EMP2: variants seen among roughly 807,000 people sequenced by gnomAD.
EMP2 encodes the protein epithelial membrane protein 2.
A neutral mutation model predicts 13.7 loss-of-function variants in EMP2; 19 were observed. That is an observed-to-expected ratio of 1.38 (90% CI 0.97 to 2.03). EMP2 has a LOEUF of 2.03. EMP2 is among the 30% of genes most tolerant of loss of function. EMP2 has a pLI of 0.00. For missense variants in EMP2, 253 were observed against 220.7 expected (o/e 1.15, Z -0.93); for synonymous variants, 97 against 84.7 (o/e 1.15, Z -0.80).
chr16:10,558,650 G>A (rs1225929001), intron 1 of EMP2, among the ~76,000 whole-genome samples: 8 of 152,070 alleles, frequency 5.3e-5, no homozygotes, highest in Admixed American at 5.2e-4. Context: ...AAGTCTGTGG[G>A]ATCTGCCCAC....
In EMP2 at chr16:10,537,948, G is replaced by A. The variant is rs764490312; in HGVS notation, c.296C>T (p.Ser99Phe). The A allele has an allele frequency of 2.5e-6, 4 of 1,614,020 alleles. No homozygotes were observed. Among genetic ancestry groups the A allele is most frequent in the Non-Finnish European group, 2.5e-6 (3 of 1,180,034 alleles). ...CTTACATGACATTAGCTGGATGATG[G>A]AGGTTAGGACAAACCTCTCTCCCTG... ...LKQGERFVLT[S>F]IIQLMSCLCV... Residue 99 changes from serine to phenylalanine, a missense_variant, in exon 4 of 5, where the codon TCC (serine) becomes TTC (phenylalanine). Ser to Phe is a radical substitution (Grantham distance 155). Transcript: ENST00000359543.
chr16:10,548,887 T>A (rs1332230342), intron 1 of EMP2, among the ~76,000 whole-genome samples: 1 of 152,146 alleles, frequency 6.6e-6, no homozygotes, highest in Non-Finnish European at 1.5e-5. Flanking sequence ...CCCTTGCAGC[T>A]AGATGGGGAA....
intron 1 of EMP2, among the ~76,000 whole-genome samples, chr16:10,575,736 C>T (rs1014179630): frequency 2.0e-5 from 3 of 152,134 alleles, no homozygotes; most frequent in Non-Finnish European, 4.4e-5. Context: ...ACAAACAAAT[C>T]AAGCCACTTC....
At position 10,532,785 on chromosome 16, in the gene EMP2, T is replaced by TTTTTTC. The variant is rs2050616918; in HGVS notation, c.*119_*120insGAAAAA. 1 of 376,770 alleles carries TTTTTTC rather than the reference T, an allele frequency of 2.7e-6. No homozygotes were observed. The highest frequency in any genetic ancestry group is 4.0e-6 in the Non-Finnish European group (1 of 250,140). 23.3% of individuals were successfully genotyped at this position (376,770 alleles called of 1,614,324 possible). On this transcript the variant is annotated 3_prime_UTR_variant, in exon 5 of 5. Coordinates refer to ENST00000359543, the MANE Select transcript of EMP2 (RefSeq NM_001424.6). ...TTTTTTTTTTTTTTTTTTTTTTTTTTTGGCTTTTAAAGGAAACAATACGTT... is the reference window on the plus strand; with the variant it reads ...TTTTTTTTTTTTTTTTTTTTTTTTTTTTTTTCTGGCTTTTAAAGGAAACAATACGTT...
rs150309316 is a variant in EMP2 at position 10,543,601 on chromosome 16, C to T, written c.138G>A (p.Thr46=). ...ADVWRICTNN[T]NCTVINDSFQ... The stretch of plus-strand genomic sequence containing the variant: ...AGCTGTCATTGATGACTGTGCAATT[C>T]GTGTTGTTGGTACATATTCTCCAGA... The change falls in exon 3 of 5, where the codon ACG becomes ACA. Residue 46 remains threonine (T), a synonymous_variant. Coordinates refer to ENST00000359543, the MANE Select transcript of EMP2 (RefSeq NM_001424.6). The T allele has an allele frequency of 7.3e-5, 118 of 1,614,214 alleles. No individual in the cohort carries two copies. In the African/African-American group the frequency reaches 8.7e-4, roughly 12 times the overall value.
In EMP2 at chr16:10,541,613, G is replaced by A. The variant is rs532159072; in HGVS notation, c.169+1957C>T. 5.9e-5 allele frequency among the ~76,000 whole-genome samples: 9 copies of A among 152,290 alleles called. 1 individual carries two copies. The highest frequency in any genetic ancestry group is 3.4e-3 in the Middle Eastern group (1 of 294). The stretch of plus-strand genomic sequence containing the variant: ...CTCCCAGCTGGCCTTGCACACTGGC[G>A]ACAGCTGGGGCTTGCAGAGCTCAGG... On this transcript the variant is annotated intron_variant, in intron 3 of 4. Coordinates refer to ENST00000359543, the MANE Select transcript of EMP2 (RefSeq NM_001424.6).
intron 1 of EMP2, among the ~76,000 whole-genome samples, chr16:10,552,183 G>A (rs2050793608): frequency 1.3e-5 from 2 of 148,772 alleles, no homozygotes; most frequent in African/African-American, 2.5e-5. Flanking sequence ...CATGTACCAC[G>A]CTGAATGCCC....
intron 1 of EMP2, among the ~76,000 whole-genome samples, chr16:10,562,555 A>T (rs1032659605): frequency 2.6e-5 from 4 of 152,134 alleles, no homozygotes; most frequent in Admixed American, 2.6e-4. Context: ...AGACACATGA[A>T]TGAGCCCAGC....
intron 1 of EMP2, among the ~76,000 whole-genome samples, chr16:10,562,957 C>T (rs929085303): frequency 7.9e-5 from 12 of 152,076 alleles, no homozygotes; most frequent in African/African-American, 2.9e-4. Flanking sequence ...ACACTGCAGC[C>T]CAGAGAGGGT....
intron 3 of EMP2, among the ~76,000 whole-genome samples, chr16:10,542,087 G>A (rs1317899033): frequency 6.6e-6 from 1 of 152,144 alleles, no homozygotes; most frequent in Admixed American, 6.5e-5. Flanking sequence ...AAGACAGGAT[G>A]CCCAGTACAT....
chr16:10,541,642 G>A (rs949094202), intron 3 of EMP2, among the ~76,000 whole-genome samples: 1 of 152,204 alleles, frequency 6.6e-6, no homozygotes, highest in East Asian at 1.9e-4. Flanking sequence ...GCTCAGGGAA[G>A]GAGGGCTGTT....
intron 1 of EMP2, among the ~76,000 whole-genome samples, chr16:10,570,286 T>C (rs2050938048): frequency 6.7e-6 from 1 of 150,014 alleles, no homozygotes; most frequent in African/African-American, 2.5e-5. Flanking sequence ...AGTGCAGTGG[T>C]GCAATCACAG....
intron 1 of EMP2, among the ~76,000 whole-genome samples, chr16:10,579,221 C>CCCGT (rs2051005047): frequency 6.6e-6 from 1 of 152,100 alleles, no homozygotes. Context: ...AAACCAGGAC[C>CCCGT]CCGTCCCTTC....
intron 3 of EMP2, 120 bp from the exon 4 acceptor site, chr16:10,538,194 G>T: frequency 8.0e-7 from 1 of 1,250,676 alleles, no homozygotes; most frequent in Non-Finnish European, 1.1e-6. Context: ...AAGGGGTTCA[G>T]GCGGTCGTCT....
At chr16:10,544,662 G>C (rs758361583) in intron 2 of EMP2, 1 of 152,812 alleles carries the variant, frequency 6.5e-6, no homozygotes, top group African/African-American at 2.4e-5. Flanking sequence ...GGGAGGCCGA[G>C]GTGGGAGGAT....
At chr16:10,549,595 TTAC>T (rs1251951881) in intron 1 of EMP2, among the ~76,000 whole-genome samples, 1 of 151,926 alleles carries the variant, frequency 6.6e-6, no homozygotes, top group Non-Finnish European at 1.5e-5. Context: ...GACGAGATAG[TTAC>T]TACATTTTTT....
Position 10,532,352 on chromosome 16 carries a change from G to A in EMP2, c.*553C>T, listed in dbSNP as rs138248423. 237 of 152,912 alleles carry A rather than the reference G, an allele frequency of 1.5e-3. 1 individual carries two copies. Among genetic ancestry groups the A allele is most frequent in the African/African-American group, 5.5e-3 (228 of 41,564 alleles). The allele number at this position is 152,912 out of a possible 1,614,324, so 9.5% of individuals were successfully genotyped here. A position where few individuals can be genotyped will look rare whatever the true frequency, so the allele number is the denominator to read the frequency against. On this transcript the variant is annotated 3_prime_UTR_variant, in exon 5 of 5. Coordinates refer to ENST00000359543, the MANE Select transcript of EMP2 (RefSeq NM_001424.6). Reference sequence around the variant, plus strand: ...ACCCCGATACCGGAGGGATGGCTGGGCTCTGGTTTGGATACAGACAGAATG... The same window carrying A: ...ACCCCGATACCGGAGGGATGGCTGGACTCTGGTTTGGATACAGACAGAATG...
intron 1 of EMP2, among the ~76,000 whole-genome samples, chr16:10,574,025 T>C (rs1377444242): frequency 7.6e-6 from 1 of 131,740 alleles, no homozygotes; most frequent in Non-Finnish European, 1.6e-5. Flanking sequence ...GCCACCCCCA[T>C]CTCCTGGGTT....
At chr16:10,576,354 G>A (rs2050984024) in intron 1 of EMP2, 1 of 152,178 alleles carries the variant, frequency 6.6e-6, no homozygotes. Context: ...TGCATTTTGA[G>A]GAAAGACAGT....
Sources: gnomAD v4.1 joint callset for allele counts (sites outside exome capture counted in the v4.1 genomes callset) on GRCh38, gnomAD v4.1.1 for gene constraint, MANE v1.5 for transcripts, NCBI Gene and HGNC (gene_info 2026-07-23, HGNC 2026-07-21) for gene names.